PUS10: variants seen among roughly 807,000 people sequenced by gnomAD.
PUS10 encodes pseudouridine synthase 10, also known as tRNA pseudouridine synthase Pus10.
Under a neutral mutation model 75.0 loss-of-function variants are expected in PUS10, and 59 were observed. The ratio of observed to expected loss-of-function variants is 0.79; its 90% confidence interval spans 0.64 to 0.98. The LOEUF (loss-of-function observed/expected upper bound fraction) is 0.98. Among genes scored for constraint, PUS10 ranks in the 50% least tolerant of loss-of-function variants. The probability of loss-of-function intolerance (pLI) is 0.00; values close to 1 mark genes in which losing one functional copy is unlikely to be tolerated. For missense variants in PUS10, 650 were observed against 614.4 expected, an observed-to-expected ratio of 1.06 and a Z score of -0.61; for synonymous variants, 219 against 211.6, an observed-to-expected ratio of 1.03 and a Z score of -0.30.
At chr2:60,999,050 T>C (rs775752157) in intron 4 of PUS10, among the ~76,000 whole-genome samples, 8 of 151,850 alleles carry the variant, frequency 5.3e-5, no homozygotes, top group African/African-American at 1.2e-4. Flanking sequence ...TTAAAGTCAA[T>C]GGACTAAGCA....
intron 17 of PUS10, among the ~76,000 whole-genome samples, chr2:60,943,637 T>A (rs2104070635): frequency 6.6e-6 from 1 of 152,328 alleles, no homozygotes. Context: ...TGTGTGTGTG[T>A]GTCTTTTACA....
At position 60,973,177 on chromosome 2, in the gene PUS10, C is replaced by G. The variant is rs144673711; in HGVS notation, c.469-1620G>C. On this transcript the variant is annotated intron_variant, in intron 4 of 17. Coordinates refer to ENST00000316752, the MANE Select transcript of PUS10 (RefSeq NM_144709.4). ...TCACCATCTCAGGGGTCCACAAGCA[C>G]CCGGCCAAAGGCACAGCCGGGACTC... Among the ~76,000 whole-genome samples the G allele has an allele frequency of 5.9e-5, 9 of 152,362 alleles. No homozygotes were observed. In the East Asian group the frequency reaches 1.7e-3, roughly 29 times the overall value.
intron 4 of PUS10, among the ~76,000 whole-genome samples, chr2:60,993,616 G>A (rs1275704130): frequency 1.3e-5 from 2 of 152,136 alleles, no homozygotes; most frequent in Non-Finnish European, 2.9e-5. Context: ...CTGGGGCCTT[G>A]AATGGTATCT....
chr2:61,017,793 T>A, intron 1 of PUS10: 2 of 1,550,330 alleles, frequency 1.3e-6, no homozygotes, highest in South Asian at 2.4e-5. Context: ...CCCCAAACCC[T>A]GGGAGACCCG....
chr2:60,953,438 A>G (rs139174781), intron 14 of PUS10, among the ~76,000 whole-genome samples: 49 of 152,366 alleles, frequency 3.2e-4, no homozygotes, highest in African/African-American at 1.1e-3. Context: ...ATGAAATCAT[A>G]CAGTACGTGG....
In PUS10 at chr2:61,017,994, G is replaced by C. The variant is rs1313364006; in HGVS notation, c.-16+14C>G. The C allele has an allele frequency of 6.8e-6, 9 of 1,321,156 alleles. No individual in the cohort carries two copies. The highest frequency in any genetic ancestry group is 5.0e-5 in the East Asian group (2 of 39,720). The allele number at this position is 1,321,156 out of a possible 1,614,324, so 81.8% of individuals were successfully genotyped here. On this transcript the variant is annotated intron_variant, in intron 1 of 17. Coordinates refer to ENST00000316752, the MANE Select transcript of PUS10 (RefSeq NM_144709.4). Reference sequence around the variant, plus strand: ...CCTTGGGGATAGGGGCCGAGGTGGAGCTGGGGCGCTTACCAGTGGGGACTT... The same window carrying C: ...CCTTGGGGATAGGGGCCGAGGTGGACCTGGGGCGCTTACCAGTGGGGACTT...
At chr2:61,010,995 T>G in intron 2 of PUS10, 1 of 1,383,384 alleles carries the variant, frequency 7.2e-7, no homozygotes, top group Non-Finnish European at 9.7e-7. Context: ...GTATTATTAT[T>G]GCCAAAATAA....
intron 4 of PUS10, among the ~76,000 whole-genome samples, chr2:60,975,874 G>A (rs1248803346): frequency 6.6e-6 from 1 of 151,908 alleles, no homozygotes; most frequent in Non-Finnish European, 1.5e-5. Context: ...CGATTCTCCT[G>A]CCTCAGCCTC....
intron 4 of PUS10, among the ~76,000 whole-genome samples, chr2:60,994,388 A>T (rs34230978): frequency 0.12 from 17,558 of 151,612 alleles, 1,391 homozygotes; most frequent in Non-Finnish European, 0.17. Context: ...TCAGAGCAAA[A>T]AAAAAAAAGG....
intron 4 of PUS10, among the ~76,000 whole-genome samples, chr2:60,997,081 A>G (rs1678516094): frequency 6.6e-6 from 1 of 152,244 alleles, no homozygotes. Context: ...ACAGAATTTC[A>G]TACACCAATG....
At chr2:61,005,377 G>T (rs1328630861) in intron 4 of PUS10, among the ~76,000 whole-genome samples, 1 of 152,114 alleles carries the variant, frequency 6.6e-6, no homozygotes, top group Non-Finnish European at 1.5e-5. Context: ...GTGATAAAAT[G>T]GATAATATGA....
At chr2:60,997,048 T>G (rs999002198) in intron 4 of PUS10, among the ~76,000 whole-genome samples, 1 of 152,208 alleles carries the variant, frequency 6.6e-6, no homozygotes, top group African/African-American at 2.4e-5. Context: ...CATATAGATA[T>G]ATGATTCCAT....
chr2:60,948,966 A>G (rs1675165680), intron 15 of PUS10, among the ~76,000 whole-genome samples: 1 of 152,162 alleles, frequency 6.6e-6, no homozygotes, highest in African/African-American at 2.4e-5. Context: ...AACTCTTCCT[A>G]ATTTCCATGG....
intron 15 of PUS10, among the ~76,000 whole-genome samples, chr2:60,949,095 T>G (rs1230507828): frequency 1.3e-5 from 2 of 152,192 alleles, no homozygotes; most frequent in Non-Finnish European, 2.9e-5. Context: ...TGAAAGGGTG[T>G]GACTGCTTTT....
chr2:60,945,948 T>A (rs1445237556), intron 16 of PUS10, among the ~76,000 whole-genome samples: 2 of 152,214 alleles, frequency 1.3e-5, no homozygotes, highest in Non-Finnish European at 2.9e-5. Flanking sequence ...GAGAAATAAA[T>A]TTGTTTCCAG....
chr2:60,974,717 C>T lies in PUS10; in HGVS notation c.469-3160G>A, dbSNP rs181282412. Among the ~76,000 whole-genome samples the T allele has an allele frequency of 1.1e-4, 16 of 152,352 alleles. No homozygotes were observed. In the East Asian group the frequency reaches 2.9e-3, roughly 28 times the overall value. ...GTTTATGGTATTTCTGGTCCAGCCT[C>T]AGCTTCACAGGGAGCCATGACTGCG... is the stretch of plus-strand genomic sequence containing the variant. On this transcript the variant is annotated intron_variant, in intron 4 of 17. Transcript: ENST00000316752.
At chr2:60,997,763 A>T (rs563734022) in intron 4 of PUS10, among the ~76,000 whole-genome samples, 50 of 152,294 alleles carry the variant, frequency 3.3e-4, no homozygotes, top group African/African-American at 1.1e-3. Context: ...CTTGCTTTGC[A>T]TGGATAAGTG....
chr2:61,017,890 C>G, intron 1 of PUS10, 118 bp downstream of exon 1: 1 of 1,534,806 alleles, frequency 6.5e-7, no homozygotes, highest in Non-Finnish European at 8.8e-7. Flanking sequence ...TTTAGTGGGC[C>G]CGAGCGGGGA....
At chr2:61,014,509 T>C (rs1472402145) in intron 1 of PUS10, among the ~76,000 whole-genome samples, 1 of 152,186 alleles carries the variant, frequency 6.6e-6, no homozygotes, top group Non-Finnish European at 1.5e-5. Flanking sequence ...AAAAATACTA[T>C]ATAGAGAATG....
Sources: allele counts gnomAD v4.1 joint callset (sites outside exome capture counted in the v4.1 genomes callset), GRCh38; gene constraint gnomAD v4.1.1; transcripts MANE v1.5; gene names NCBI Gene and HGNC (gene_info 2026-07-23, HGNC 2026-07-21).